Variants in ADA observed in about 807,000 individuals in gnomAD.
ADA encodes adenosine aminohydrolase.
ADA carries 45 observed loss-of-function variants against 49.0 expected under a neutral mutation model. The ratio of observed to expected loss-of-function variants is 0.92; its 90% CI spans 0.72 to 1.18. The LOEUF is 1.18. ADA is among the 50% of genes most tolerant of loss of function. The probability of loss-of-function intolerance (pLI) is 0.00; values close to 1 mark genes in which losing one functional copy is unlikely to be tolerated. For synonymous variants in ADA, 173 were observed against 184.2 expected (o/e 0.94, Z 0.49); for missense variants, 445 against 472.5 (o/e 0.94, Z 0.54).
At chr20:44,637,425 T>C (rs1415008958) in intron 1 of ADA, among the ~76,000 whole-genome samples, 1 of 152,206 alleles carries the variant, frequency 6.6e-6, no homozygotes, top group East Asian at 1.9e-4. Flanking sequence ...GTGTTTACCA[T>C]GAGCTGTTAG....
intron 2 of ADA, among the ~76,000 whole-genome samples, chr20:44,633,122 G>A (rs1272365268): frequency 6.6e-6 from 1 of 152,250 alleles, no homozygotes; most frequent in Non-Finnish European, 1.5e-5. Flanking sequence ...GGGAGGGAGG[G>A]AGGATGAGCT....
intron 2 of ADA, among the ~76,000 whole-genome samples, chr20:44,633,320 G>A (rs1460124866): frequency 1.3e-5 from 2 of 152,238 alleles, no homozygotes; most frequent in African/African-American, 4.8e-5. Context: ...CCAGTGGTCT[G>A]GGTTTGAATC....
intron 1 of ADA, among the ~76,000 whole-genome samples, chr20:44,639,343 C>G (rs144779942): frequency 6.6e-6 from 1 of 152,084 alleles, no homozygotes; most frequent in Non-Finnish European, 1.5e-5. Flanking sequence ...GGAGCTCCCT[C>G]CAGGAGGGAG....
chr20:44,623,914 C>CT (rs766187117), intron 6 of ADA: 34 of 453,582 alleles, frequency 7.5e-5, no homozygotes, highest in African/African-American at 9.9e-5. Flanking sequence ...TGCCTGACTA[C>CT]TTTTTTTTGT....
chr20:44,622,550 G>A (rs776548198), intron 9 of ADA, 38 bp downstream of exon 9: 1 of 1,613,224 alleles, frequency 6.2e-7, no homozygotes, highest in Non-Finnish European at 8.5e-7. Flanking sequence ...TGGCCTTCCT[G>A]GAACAAAATT....
rs139583343 is a variant in ADA at position 44,621,224 on chromosome 20, C to T, written c.846-77G>A. Reference sequence around the variant, plus strand: ...TAGTCAGAACACATTGACGTTCACCCGCCTTTGATCCTCACAGCAGCCTCA... The same window carrying T: ...TAGTCAGAACACATTGACGTTCACCTGCCTTTGATCCTCACAGCAGCCTCA... On this transcript the variant is annotated intron_variant, in intron 9 of 11. Transcript: ENST00000372874. 3.0e-4 allele frequency: 474 copies of T among 1,579,174 alleles called. No individual in the cohort carries two copies. The African/African-American group carries it at 5.2e-3, about 17-fold the overall frequency.
chr20:44,628,968 C>A, intron 3 of ADA, 79 bp downstream of exon 3: 1 of 1,604,524 alleles, frequency 6.2e-7, no homozygotes, highest in Non-Finnish European at 8.5e-7. Context: ...TCTCTGGCCC[C>A]CACAGGCTGA....
intron 8 of ADA, 34 bp from the exon 9 acceptor site, chr20:44,622,686 C>T (rs1326346111): frequency 6.2e-7 from 1 of 1,613,936 alleles, no homozygotes; most frequent in South Asian, 1.1e-5. Context: ...GCAGGGATGG[C>T]CCCAGGCCAT....
In ADA at chr20:44,619,800, C is replaced by T. The variant is rs1470312357; in HGVS notation, c.*34G>A. ...GCTCAGCCCCACAGAGTTGGGGTGA[C>T]TCCACAGGGTGAAGGCTTGGAGGAG... On this transcript the variant is annotated 3_prime_UTR_variant, in exon 12 of 12. Coordinates refer to ENST00000372874, the MANE Select transcript of ADA (RefSeq NM_000022.4). 2.5e-6 allele frequency: 4 copies of T among 1,614,130 alleles called. No individual in the cohort carries two copies. The highest frequency in any genetic ancestry group is 2.2e-5 in the South Asian group (2 of 91,080).
chr20:44,640,961 A>G (rs2065527455), intron 1 of ADA, among the ~76,000 whole-genome samples: 1 of 151,786 alleles, frequency 6.6e-6, no homozygotes, highest in African/African-American at 2.4e-5. Flanking sequence ...GGCTCTGATG[A>G]TATCTTGATG....
chr20:44,637,843 T>C (rs895137741), intron 1 of ADA, among the ~76,000 whole-genome samples: 1 of 152,172 alleles, frequency 6.6e-6, no homozygotes, highest in African/African-American at 2.4e-5. Context: ...AACTTAGTTG[T>C]TGAATTCCCT....
intron 2 of ADA, among the ~76,000 whole-genome samples, chr20:44,635,488 A>C (rs1410226028): frequency 6.6e-6 from 1 of 152,148 alleles, no homozygotes; most frequent in East Asian, 1.9e-4. Flanking sequence ...TCCTCTTCCA[A>C]GCGTGGAGGA....
At chr20:44,636,837 G>A (rs548828294) in intron 1 of ADA, among the ~76,000 whole-genome samples, 6 of 152,026 alleles carry the variant, frequency 3.9e-5, no homozygotes, top group African/African-American at 1.2e-4. Flanking sequence ...ATGGAGTCTC[G>A]CTCTGTCTCC....
In ADA at chr20:44,627,551, A is replaced by G. The variant is rs1438844072; in HGVS notation, c.219-952T>C. Among the ~76,000 whole-genome samples, 3 of 151,996 alleles carry G rather than the reference A, an allele frequency of 2.0e-5. No homozygotes were observed. In the East Asian group the frequency reaches 5.8e-4, roughly 29 times the overall value. On this transcript the variant is annotated intron_variant, in intron 3 of 11. Coordinates refer to ENST00000372874, the MANE Select transcript of ADA (RefSeq NM_000022.4). ...TTTCTTTTTCTCCCAGGTCCTTATC[A>G]CTACTCAACATTGTGTGTCATATGG...
At chr20:44,629,800 C>T (rs564175570) in intron 2 of ADA, among the ~76,000 whole-genome samples, 8 of 152,314 alleles carry the variant, frequency 5.3e-5, no homozygotes, top group Admixed American at 2.6e-4. Context: ...ACTACAGCAG[C>T]GCTCAGTAAG....
At chr20:44,623,152 G>A in intron 6 of ADA, 74 bp from the exon 7 acceptor site, 1 of 1,604,242 alleles carries the variant, frequency 6.2e-7, no homozygotes, top group Non-Finnish European at 8.5e-7. Flanking sequence ...ACCATGCTGT[G>A]GAGATTGAAC....
rs564357341 is a variant in ADA, at chr20:44,623,676, T to C, written c.606+526A>G. ...TCCCTTCCTTCCTTCTTTCCTTCCT[T>C]CCTCCCTCCCTCCCTTCCTCTTTTT... On this transcript the variant is annotated intron_variant, in intron 6 of 11. Transcript: ENST00000372874. 2.0e-5 allele frequency among the ~76,000 whole-genome samples: 3 copies of C among 151,130 alleles called. No individual in the cohort carries two copies. In the South Asian group the frequency reaches 6.3e-4, roughly 32 times the overall value.
chr20:44,637,911 A>G (rs1303828325), intron 1 of ADA, among the ~76,000 whole-genome samples: 2 of 152,168 alleles, frequency 1.3e-5, no homozygotes, highest in Non-Finnish European at 2.9e-5. Context: ...TTCTCAAAAT[A>G]TGCTCAGCAT....
intron 1 of ADA, among the ~76,000 whole-genome samples, chr20:44,642,133 A>G (rs1378500887): frequency 6.6e-6 from 1 of 152,086 alleles, no homozygotes; most frequent in Non-Finnish European, 1.5e-5. Flanking sequence ...CTGGCACAAC[A>G]ATTGGCAATG....
Sources: allele counts gnomAD v4.1 joint callset (sites outside exome capture counted in the v4.1 genomes callset), GRCh38; gene constraint gnomAD v4.1.1; transcripts MANE v1.5; gene names NCBI Gene and HGNC (gene_info 2026-07-23, HGNC 2026-07-21).